OLFM3: variants seen among roughly 807,000 people sequenced by gnomAD.
The protein encoded by OLFM3 is noelin-3.
OLFM3 carries 20 observed loss-of-function variants against 48.6 expected under a neutral mutation model. The ratio of observed to expected loss-of-function variants is 0.41; its 90% CI spans 0.29 to 0.60. The LOEUF (loss-of-function observed/expected upper bound fraction) is 0.60. OLFM3 is among the 20% of genes least tolerant of loss of function. The pLI, the probability that OLFM3 is intolerant of heterozygous loss-of-function variation, is 0.28. For missense variants in OLFM3, 437 were observed against 544.3 expected (o/e 0.80, Z 1.96); for synonymous variants, 222 against 198.1 (o/e 1.12, Z -1.01).
chr1:101,854,523 CA>C (rs552008454), intron 1 of OLFM3, among the ~76,000 whole-genome samples: 2,102 of 152,018 alleles, frequency 0.014, 19 homozygotes, highest in Admixed American at 0.022. Context: ...TCAGGGCAAA[CA>C]TTTTTTTTTC....
chr1:101,816,015 G>T (rs926687179), intron 4 of OLFM3, among the ~76,000 whole-genome samples: 1 of 152,116 alleles, frequency 6.6e-6, no homozygotes, highest in Non-Finnish European at 1.5e-5. Flanking sequence ...AAAAAATAAC[G>T]TGGTATTAAG....
rs67937847 is a variant in OLFM3, at chr1:101,814,266, G to GTTT, written c.593-8087_593-8085dup. Among the ~76,000 whole-genome samples, 860 of 139,184 alleles carry GTTT rather than the reference G, an allele frequency of 6.2e-3. 10 individuals carry two copies. The highest frequency in any genetic ancestry group is 0.02 in the African/African-American group (757 of 37,738). The allele number at this position is 139,184 out of a possible 152,430, so 91.3% of individuals were successfully genotyped here. ...TTATTTATTCATTCACCCAGCTAAGGTTTTTTTTTTTTTTTAGCAGAAAGC... is the reference window on the plus strand; with the variant it reads ...TTATTTATTCATTCACCCAGCTAAGGTTTTTTTTTTTTTTTTTTAGCAGAAAGC... On this transcript the variant is annotated intron_variant, in intron 4 of 5. Transcript: ENST00000370103.
At chr1:101,948,245 A>G (rs1660018134) in intron 1 of OLFM3, among the ~76,000 whole-genome samples, 2 of 152,176 alleles carry the variant, frequency 1.3e-5, no homozygotes, top group Non-Finnish European at 2.9e-5. Flanking sequence ...CTGATAATAA[A>G]TTGTTCAAAT....
At chr1:101,940,899 T>G (rs1226988342) in intron 1 of OLFM3, among the ~76,000 whole-genome samples, 1 of 152,032 alleles carries the variant, frequency 6.6e-6, no homozygotes, top group Non-Finnish European at 1.5e-5. Flanking sequence ...CCTAAGAAAT[T>G]GGCACTGAAA....
At chr1:101,900,953 G>A (rs1658368670) in intron 1 of OLFM3, among the ~76,000 whole-genome samples, 1 of 152,020 alleles carries the variant, frequency 6.6e-6, no homozygotes, top group Non-Finnish European at 1.5e-5. Flanking sequence ...AAAGTGAAAT[G>A]CAATAATTGG....
intron 1 of OLFM3, among the ~76,000 whole-genome samples, chr1:101,964,156 G>T (rs1023507549): frequency 7.9e-5 from 12 of 152,120 alleles, no homozygotes; most frequent in Non-Finnish European, 1.8e-4. Flanking sequence ...GAAGCAGATT[G>T]TAGGTGGTGA....
intron 1 of OLFM3, among the ~76,000 whole-genome samples, chr1:101,854,075 A>G (rs1414162332): frequency 6.6e-6 from 1 of 152,096 alleles, no homozygotes; most frequent in Non-Finnish European, 1.5e-5. Context: ...GAATATTTTT[A>G]AAAAACCATT....
chr1:101,820,264 G>T (rs1654545527), intron 4 of OLFM3, among the ~76,000 whole-genome samples: 1 of 152,034 alleles, frequency 6.6e-6, no homozygotes, highest in Non-Finnish European at 1.5e-5. Context: ...AGAACCTAAT[G>T]CTTCACTAGA....
chr1:101,876,072 A>G (rs1268683069), intron 1 of OLFM3, among the ~76,000 whole-genome samples: 1 of 152,030 alleles, frequency 6.6e-6, no homozygotes, highest in Admixed American at 6.6e-5. Flanking sequence ...TCACAACATA[A>G]GAATGTTGTA....
intron 1 of OLFM3, among the ~76,000 whole-genome samples, chr1:101,930,493 A>C (rs773145503): frequency 6.6e-6 from 1 of 152,200 alleles, no homozygotes; most frequent in African/African-American, 2.4e-5. Flanking sequence ...CTTCTTTTGA[A>C]TAAAATGCAC....
chr1:101,902,837 T>C (rs1658432677), intron 1 of OLFM3, among the ~76,000 whole-genome samples: 1 of 152,122 alleles, frequency 6.6e-6, no homozygotes. Flanking sequence ...GGAAATTGTA[T>C]CATTAGAGAA....
At chr1:101,884,559 C>A (rs182473036) in intron 1 of OLFM3, among the ~76,000 whole-genome samples, 1 of 151,788 alleles carries the variant, frequency 6.6e-6, no homozygotes, top group East Asian at 1.9e-4. Flanking sequence ...GGAAGAGAGG[C>A]GAGCACCAGG....
chr1:101,810,137 T>C (rs1410143220), intron 4 of OLFM3, among the ~76,000 whole-genome samples: 1 of 151,860 alleles, frequency 6.6e-6, no homozygotes, highest in African/African-American at 2.4e-5. Flanking sequence ...AAGAGATTTT[T>C]CCTATTGTTG....
chr1:101,932,545 G>A (rs192753461), intron 1 of OLFM3, among the ~76,000 whole-genome samples: 279 of 152,232 alleles, frequency 1.8e-3, no homozygotes, highest in African/African-American at 6.0e-3. Flanking sequence ...GACACTGTGG[G>A]AAGAGAAACA....
chr1:101,869,266 G>A (rs1477678342), intron 1 of OLFM3, among the ~76,000 whole-genome samples: 2 of 152,218 alleles, frequency 1.3e-5, no homozygotes, highest in Admixed American at 6.5e-5. Flanking sequence ...AAAGCCACAA[G>A]AGCAGAGCTA....
chr1:101,830,644 T>C (rs1235963735), intron 3 of OLFM3, 28 bp downstream of exon 3: 2 of 1,613,564 alleles, frequency 1.2e-6, no homozygotes, highest in Non-Finnish European at 1.7e-6. Flanking sequence ...CTGATTTGGA[T>C]TGACAAGATT....
intron 1 of OLFM3, among the ~76,000 whole-genome samples, chr1:101,978,617 G>A (rs766167276): frequency 1.3e-5 from 2 of 152,054 alleles, no homozygotes; most frequent in Non-Finnish European, 2.9e-5. Flanking sequence ...AATGTAATTA[G>A]TTTTGATCAT....
rs185592276 is a variant in OLFM3, at chr1:101,832,575, A to G, written c.217-1748T>C. 5.4e-4 allele frequency among the ~76,000 whole-genome samples: 83 copies of G among 152,298 alleles called. No homozygotes were observed. The East Asian group carries it at 0.012, about 22-fold the overall frequency. On this transcript the variant is annotated intron_variant, in intron 2 of 5. Coordinates refer to ENST00000370103, the MANE Select transcript of OLFM3 (RefSeq NM_058170.4). ...ATGTGGGTGTGGAGTAGGGGCAGGG[A>G]AGTAGCCTTCCCTTTGTGAGCTCCA... is the stretch of plus-strand genomic sequence containing the variant.
chr1:101,867,592 T>G (rs190301601), intron 1 of OLFM3, among the ~76,000 whole-genome samples: 1 of 152,328 alleles, frequency 6.6e-6, no homozygotes, highest in East Asian at 1.9e-4. Flanking sequence ...ATTTATCCCA[T>G]TAGGTCAGAA....
Sources: gnomAD v4.1 joint callset for allele counts (sites outside exome capture counted in the v4.1 genomes callset) on GRCh38, gnomAD v4.1.1 for gene constraint, MANE v1.5 for transcripts, NCBI Gene and HGNC (gene_info 2026-07-23, HGNC 2026-07-21) for gene names.